The following TSFM variants were observed in gnomAD, a reference collection of about 807,000 sequenced individuals.
TSFM encodes the protein elongation factor Ts, mitochondrial.
A neutral mutation model predicts 33.4 loss-of-function variants in TSFM; 29 were observed. The observed-to-expected ratio is 0.87, with a 90% CI of 0.65 to 1.18. The LOEUF (loss-of-function observed/expected upper bound fraction) is 1.18, where lower values mean the gene tolerates loss of function less well. Ranked by LOEUF, TSFM falls within the 50% of genes most tolerant of loss-of-function variation. The pLI, the probability that TSFM is intolerant of heterozygous loss-of-function variation, is 0.00. For synonymous variants in TSFM, 178 were observed against 163.5 expected, an observed-to-expected ratio of 1.09 and a Z score of -0.68; for missense variants, 394 against 395.6, an observed-to-expected ratio of 1.00 and a Z score of 0.04.
intron 4 of TSFM, among the ~76,000 whole-genome samples, chr12:57,788,859 C>T (rs951833855): frequency 6.6e-6 from 1 of 151,876 alleles, no homozygotes; most frequent in Non-Finnish European, 1.5e-5. Context: ...TCTCAAACCT[C>T]TGGGCTCAAG....
chr12:57,792,089 T>A (rs966679552), intron 4 of TSFM: 2 of 191,504 alleles, frequency 1.0e-5, no homozygotes, highest in Admixed American at 6.2e-5. Flanking sequence ...AAAAAAGATA[T>A]AAAAATTTGC....
intron 4 of TSFM, among the ~76,000 whole-genome samples, chr12:57,787,755 C>T (rs182906311): frequency 2.0e-5 from 3 of 152,214 alleles, no homozygotes; most frequent in African/African-American, 4.8e-5. Context: ...ATGGAGAAAC[C>T]CGTCTCTACT....
intron 1 of TSFM, 22 bp downstream of exon 1, chr12:57,782,880 AC>A: frequency 6.3e-7 from 1 of 1,583,508 alleles, no homozygotes; most frequent in East Asian, 2.3e-5. Flanking sequence ...TGGTGCTGGT[AC>A]CGACCTGCTG....
chr12:57,791,063 G>A (rs1266724603), intron 4 of TSFM, among the ~76,000 whole-genome samples: 1 of 150,938 alleles, frequency 6.6e-6, no homozygotes, highest in Non-Finnish European at 1.5e-5. Flanking sequence ...AGGCTGGAGT[G>A]CAATGGCATG....
chr12:57,801,046 G>A (rs1224538912), downstream of TSFM: 2 of 961,192 alleles, frequency 2.1e-6, no homozygotes, highest in African/African-American at 3.3e-5. Flanking sequence ...GTAATACTAA[G>A]GACATGAGTT....
At chr12:57,787,403 C>G (rs1955605177) in intron 4 of TSFM, among the ~76,000 whole-genome samples, 2 of 152,078 alleles carry the variant, frequency 1.3e-5, no homozygotes, top group African/African-American at 2.4e-5. Flanking sequence ...GTCTATCTTC[C>G]CCAGCAGAAT....
intron 5 of TSFM, 51 bp downstream of exon 5, chr12:57,793,124 T>C: frequency 6.8e-7 from 1 of 1,477,016 alleles, no homozygotes; most frequent in South Asian, 1.2e-5. Flanking sequence ...CTGGATCTCT[T>C]GTTATCTTGT....
chr12:57,799,775 C>A, downstream of TSFM: 1 of 1,613,406 alleles, frequency 6.2e-7, no homozygotes, highest in Non-Finnish European at 8.5e-7. Context: ...CCAACAGACA[C>A]AGTTCCTTCA....
Position 57,785,250 on chromosome 12 carries a change from T to G in TSFM, c.232-913T>G, listed in dbSNP as rs1021656619. On this transcript the variant is annotated intron_variant, in intron 2 of 5. Transcript: ENST00000652027. ...CAAAACTTTTTTTAAGTTAAAAAATTGTTTTGTTAAAAACGGAGACACAAA... is the reference window on the plus strand; with the variant it reads ...CAAAACTTTTTTTAAGTTAAAAAATGGTTTTGTTAAAAACGGAGACACAAA... Among the ~76,000 whole-genome samples the G allele has an allele frequency of 1.1e-4, 17 of 152,104 alleles. 1 individual carries two copies. The highest frequency in any genetic ancestry group is 8.5e-4 in the Admixed American group (13 of 15,264).
At chr12:57,790,927 A>G (rs986467287) in intron 4 of TSFM, among the ~76,000 whole-genome samples, 1 of 151,782 alleles carries the variant, frequency 6.6e-6, no homozygotes, top group Non-Finnish European at 1.5e-5. Context: ...GCTGGTCTCA[A>G]ACTCCTGGCT....
chr12:57,784,121 C>T (rs541583643), intron 2 of TSFM: 2 of 702,420 alleles, frequency 2.8e-6, no homozygotes, highest in African/African-American at 1.7e-5. Flanking sequence ...GGCTACAAAC[C>T]GTTACAAAAT....
intron 1 of TSFM, 70 bp from the exon 2 acceptor site, chr12:57,783,040 C>T (rs1955533887): frequency 2.2e-5 from 34 of 1,547,708 alleles, no homozygotes; most frequent in Non-Finnish European, 2.9e-5. Context: ...GGTCGCTTCC[C>T]TGCCCGTGTA....
At chr12:57,789,663 G>C (rs1195689123) in intron 4 of TSFM, among the ~76,000 whole-genome samples, 3 of 152,222 alleles carry the variant, frequency 2.0e-5, no homozygotes, top group Non-Finnish European at 4.4e-5. Context: ...ACCGCACCCA[G>C]CCAAAATGTG....
In TSFM at chr12:57,796,167, G is replaced by T. The variant is rs1308695938; in HGVS notation, c.572-10G>T. On this transcript the variant is annotated splice_polypyrimidine_tract_variant and intron_variant, in intron 5 of 5. Transcript: ENST00000652027. The stretch of plus-strand genomic sequence containing the variant: ...GTTGGTGTGTTGGTTTTTTGTTTTT[G>T]CTTTAATAGGAAAACTGGGAGAAAA... The T allele has an allele frequency of 1.7e-5, 27 of 1,557,840 alleles. No homozygotes were observed. The Admixed American group carries it at 2.4e-4, about 14-fold the overall frequency.
downstream of TSFM, chr12:57,802,807 TC>T (rs1302825787): frequency 7.0e-5 from 40 of 569,146 alleles, no homozygotes; most frequent in African/African-American, 6.7e-4. Flanking sequence ...CAACTTTACC[TC>T]CTAAGCATTT....
At chr12:57,792,059 G>T in intron 4 of TSFM, 1 of 217,078 alleles carries the variant, frequency 4.6e-6, no homozygotes, top group South Asian at 4.7e-5. Flanking sequence ...TGGCCAACAT[G>T]GTGAAACCCT....
intron 2 of TSFM, among the ~76,000 whole-genome samples, 164 bp downstream of exon 2, chr12:57,783,447 T>G (rs557213325): frequency 6.6e-6 from 1 of 152,356 alleles, no homozygotes; most frequent in African/African-American, 2.4e-5. Context: ...TGACTTTGTC[T>G]TATTTGAAAG....
chr12:57,787,027 T>C lies in TSFM; in HGVS notation c.361-13T>C, dbSNP rs767767659. The C allele has an allele frequency of 3.1e-6, 5 of 1,612,602 alleles. No individual in the cohort carries two copies. The South Asian group carries it at 5.5e-5, about 18-fold the overall frequency. ...TAAACAGCTTATACAGCTATATCAA[T>C]TTGTTCCCACAGGTAAACTGTGAGA... On this transcript the variant is annotated splice_polypyrimidine_tract_variant and intron_variant, in intron 3 of 5. Coordinates refer to ENST00000652027, the MANE Select transcript of TSFM (RefSeq NM_005726.6).
rs1595134403 is a variant in TSFM, at chr12:57,783,350, C to T, written c.231+67C>T. On this transcript the variant is annotated intron_variant, in intron 2 of 5. Transcript: ENST00000652027. ...ACCTCAGACTCTTGGGGCGGTCACG[C>T]TGGGGAGCATAAAGTTAGACTGCTC... 7 of 1,588,236 alleles carry T rather than the reference C, an allele frequency of 4.4e-6. No individual in the cohort carries two copies. In the South Asian group the frequency reaches 4.4e-5, roughly 10 times the overall value.
Sources: allele counts gnomAD v4.1 joint callset (sites outside exome capture counted in the v4.1 genomes callset), GRCh38; gene constraint gnomAD v4.1.1; transcripts MANE v1.5; gene names NCBI Gene and HGNC (gene_info 2026-07-23, HGNC 2026-07-21).